Variants in CTNNA1 observed in about 807,000 individuals in gnomAD.
The protein encoded by CTNNA1 is catenin alpha-1.
In CTNNA1, 37 loss-of-function variants were observed where a neutral mutation model predicts 98.4. The observed-to-expected ratio is 0.38, with a 90% CI of 0.29 to 0.49. CTNNA1 has a LOEUF of 0.49. Ranked by LOEUF, CTNNA1 falls within the 20% of genes least tolerant of loss-of-function variation. The pLI, the probability that CTNNA1 is intolerant of heterozygous loss-of-function variation, is 0.95. For synonymous variants in CTNNA1, 404 were observed against 413.2 expected, an observed-to-expected ratio of 0.98 and a Z score of 0.27; for missense variants, 761 against 1,147.2, an observed-to-expected ratio of 0.66 and a Z score of 4.86.
At chr5:138,776,486 G>C (rs1209127508) in intron 1 of CTNNA1, among the ~76,000 whole-genome samples, 10 of 152,268 alleles carry the variant, frequency 6.6e-5, no homozygotes, top group Admixed American at 2.0e-4. Flanking sequence ...TCAATCCTTT[G>C]CCCGCCTTTC....
At chr5:138,814,840 AC>A (rs1331157302) in intron 5 of CTNNA1, among the ~76,000 whole-genome samples, 5 of 151,496 alleles carry the variant, frequency 3.3e-5, no homozygotes, top group Non-Finnish European at 7.4e-5. Flanking sequence ...TGCAACCTCC[AC>A]CTCCTGGGTT....
Position 138,837,537 on chromosome 5 carries a change from C to G in CTNNA1, c.1062+9819C>G, listed in dbSNP as rs543155828. Among the ~76,000 whole-genome samples the G allele has an allele frequency of 8.8e-4, 114 of 129,080 alleles. 1 individual carries two copies. The highest frequency in any genetic ancestry group is 2.3e-3 in the Admixed American group (29 of 12,662). 84.7% of individuals were successfully genotyped at this position (129,080 alleles called of 152,430 possible). ...CTCCCTCCCCTCCCTCTCCTCCCCC[C>G]CCTTTCCCCACTCCTCCGTCTTCTC... On this transcript the variant is annotated intron_variant, in intron 7 of 17. Transcript: ENST00000302763.
At chr5:138,799,742 AC>A in intron 3 of CTNNA1, among the ~76,000 whole-genome samples, 1 of 151,990 alleles carries the variant, frequency 6.6e-6, no homozygotes, top group East Asian at 1.9e-4. Context: ...GAATATTTTA[AC>A]CCATTATACA....
chr5:138,836,064 T>A (rs982569539), intron 7 of CTNNA1, among the ~76,000 whole-genome samples: 1 of 152,226 alleles, frequency 6.6e-6, no homozygotes, highest in African/African-American at 2.4e-5. Flanking sequence ...TTGGCCAGGC[T>A]GGTCTCGAAC....
intron 6 of CTNNA1, among the ~76,000 whole-genome samples, chr5:138,827,189 T>C (rs1159929713): frequency 2.0e-5 from 3 of 152,246 alleles, no homozygotes; most frequent in African/African-American, 7.2e-5. Context: ...AATTCTCATC[T>C]GATGATTTGA....
At chr5:138,783,718 G>A (rs1755386190) in intron 3 of CTNNA1, among the ~76,000 whole-genome samples, 1 of 152,128 alleles carries the variant, frequency 6.6e-6, no homozygotes, top group Admixed American at 6.5e-5. Context: ...CAAATTGATA[G>A]GAAAGAAATG....
At position 138,924,582 on chromosome 5, in the gene CTNNA1, G is replaced by T; in HGVS notation, c.1619G>T (p.Arg540Leu). The change falls in exon 12 of 18, where the codon CGC becomes CTC. Residue 540 changes from arginine (R) to leucine (L), a missense_variant. Transcript: ENST00000302763. Reference protein sequence around the residue: ...LQEKDVDGLDRTAGAIRGRAA... With the variant: ...LQEKDVDGLDLTAGAIRGRAA... ...GAGAAGGATGTGGATGGCCTGGACCGCACAGCTGGTGCAATTCGAGGCCGG... is the reference window on the plus strand; with the variant it reads ...GAGAAGGATGTGGATGGCCTGGACCTCACAGCTGGTGCAATTCGAGGCCGG... 1 of 1,614,158 alleles carries T rather than the reference G, an allele frequency of 6.2e-7. No individual in the cohort carries two copies.
intron 7 of CTNNA1, among the ~76,000 whole-genome samples, chr5:138,834,196 T>C (rs537610695): frequency 2.6e-5 from 4 of 152,334 alleles, no homozygotes; most frequent in African/African-American, 9.6e-5. Flanking sequence ...AAGAGCTTGT[T>C]ACTGCATTAT....
At chr5:138,906,662 T>C (rs1759324223) in intron 10 of CTNNA1, among the ~76,000 whole-genome samples, 1 of 152,190 alleles carries the variant, frequency 6.6e-6, no homozygotes, top group Non-Finnish European at 1.5e-5. Flanking sequence ...GAAAGCAATG[T>C]GTCTTCCTCT....
chr5:138,904,447 G>C lies in CTNNA1; in HGVS notation c.1389+6G>C, dbSNP rs759962817. 6.2e-7 allele frequency: 1 copy of C among 1,612,354 alleles called. No individual in the cohort carries two copies. Among genetic ancestry groups the C allele is most frequent in the Non-Finnish European group, 8.5e-7 (1 of 1,179,218 alleles). ...TAGAAGCCCTCTGTCCTCAGGTAAA[G>C]TACAACTGACACTGGTGACAGCATA... On this transcript the variant is annotated splice_donor_region_variant and intron_variant, in intron 10 of 17. Transcript: ENST00000302763.
intron 7 of CTNNA1, among the ~76,000 whole-genome samples, chr5:138,844,620 A>G (rs1005939146): frequency 2.4e-4 from 36 of 152,272 alleles, no homozygotes; most frequent in African/African-American, 7.7e-4. Context: ...TAAATCTACC[A>G]TTGTCTGTCT....
At chr5:138,886,500 G>A (rs1754058248) in intron 8 of CTNNA1, among the ~76,000 whole-genome samples, 1 of 152,176 alleles carries the variant, frequency 6.6e-6, no homozygotes, top group Admixed American at 6.5e-5. Flanking sequence ...GTCTCACTGT[G>A]TTGGACTGAA....
intron 3 of CTNNA1, among the ~76,000 whole-genome samples, chr5:138,796,276 G>A (rs1030351336): frequency 1.3e-5 from 2 of 152,192 alleles, no homozygotes; most frequent in African/African-American, 4.8e-5. Flanking sequence ...GTATGTATCG[G>A]CTGGGTGCGG....
chr5:138,821,453 T>G (rs1760035813), intron 5 of CTNNA1, among the ~76,000 whole-genome samples: 1 of 152,276 alleles, frequency 6.6e-6, no homozygotes, highest in East Asian at 1.9e-4. Context: ...TTCTGAAAAC[T>G]TGGACACTGA....
chr5:138,859,325 C>G (rs180990586), intron 7 of CTNNA1, among the ~76,000 whole-genome samples: 1 of 152,194 alleles, frequency 6.6e-6, no homozygotes, highest in East Asian at 1.9e-4. Flanking sequence ...ATTTCTCAGA[C>G]TGGTTTAGGA....
chr5:138,771,252 TTTG>T, intron 1 of CTNNA1, among the ~76,000 whole-genome samples: 1 of 152,218 alleles, frequency 6.6e-6, no homozygotes, highest in South Asian at 2.1e-4. Context: ...ATGAGTGCCT[TTTG>T]TTGTAGTGTC....
At chr5:138,852,697 A>T (rs1054744779) in intron 7 of CTNNA1, among the ~76,000 whole-genome samples, 7 of 151,924 alleles carry the variant, frequency 4.6e-5, no homozygotes, top group African/African-American at 1.7e-4. Context: ...ATTTATATAC[A>T]TGCTGATTCC....
chr5:138,876,883 C>G (rs1030921135), intron 7 of CTNNA1, among the ~76,000 whole-genome samples: 5 of 152,066 alleles, frequency 3.3e-5, no homozygotes, highest in Admixed American at 3.3e-4. Flanking sequence ...AGAAGTGATC[C>G]CAAGGTAGAA....
At chr5:138,870,559 T>C (rs575283663) in intron 7 of CTNNA1, 60 of 152,340 alleles carry the variant, frequency 3.9e-4, no homozygotes, top group African/African-American at 1.3e-3. Context: ...TTGCCAGTTA[T>C]GGTCCTTTAA....
Sources: allele counts gnomAD v4.1 joint callset (sites outside exome capture counted in the v4.1 genomes callset), GRCh38; gene constraint gnomAD v4.1.1; transcripts MANE v1.5; gene names NCBI Gene and HGNC (gene_info 2026-07-23, HGNC 2026-07-21).